Variants in ITPR2 observed in about 807,000 individuals in gnomAD.
ITPR2 encodes inositol 1,4,5-trisphosphate receptor type 2, also known as inositol 1,4,5-trisphosphate-gated calcium channel ITPR2.
Under a neutral mutation model 317.1 loss-of-function variants are expected in ITPR2, and 207 were observed. That is an observed-to-expected ratio of 0.65 (90% CI 0.58 to 0.73). The LOEUF (loss-of-function observed/expected upper bound fraction) is 0.73, where lower values mean the gene tolerates loss of function less well. Among genes scored for constraint, ITPR2 ranks in the 30% least tolerant of loss-of-function variants. The probability of loss-of-function intolerance (pLI) is 0.00; values close to 1 mark genes in which losing one functional copy is unlikely to be tolerated. For missense variants in ITPR2, 2,613 were observed against 3,284.0 expected (o/e 0.80, Z 4.99); for synonymous variants, 1,156 against 1,149.1 (o/e 1.01, Z -0.12).
At chr12:26,340,142 G>A (rs756462377) in intron 56 of ITPR2, 25 bp downstream of exon 56, 137 of 1,573,248 alleles carry the variant, frequency 8.7e-5, no homozygotes, top group Non-Finnish European at 1.1e-4. Flanking sequence ...ATCCCACCCA[G>A]CCCCATCTCC....
chr12:26,597,121 C>G lies in ITPR2; in HGVS notation c.4016G>C (p.Gly1339Ala), dbSNP rs762658762. The change falls in exon 31 of 57, where the codon GGT (glycine) becomes GCT (alanine). Residue 1339 changes from glycine to alanine, a missense_variant. Physicochemically the swap from Gly to Ala is moderately conservative, Grantham distance 60. Coordinates refer to ENST00000381340, the MANE Select transcript of ITPR2 (RefSeq NM_002223.4). The stretch of plus-strand genomic sequence containing the variant: ...ATTGTAAAATATCAGCACGTCTTCA[C>G]CCCCATTTATCAACTGAAATGATAA... Reference protein sequence around the residue: ...DMVMTELINGGEDVLIFYNDR... With the variant: ...DMVMTELINGAEDVLIFYNDR... 6.2e-7 allele frequency: 1 copy of G among 1,613,598 alleles called. No individual in the cohort carries two copies. Among genetic ancestry groups the G allele is most frequent in the Non-Finnish European group, 8.5e-7 (1 of 1,179,836 alleles).
At chr12:26,368,910 A>C (rs928436162) in intron 55 of ITPR2, among the ~76,000 whole-genome samples, 3 of 152,238 alleles carry the variant, frequency 2.0e-5, no homozygotes, top group Admixed American at 2.0e-4. Flanking sequence ...TTTTGGGGAA[A>C]TGAAAAATCA....
chr12:26,380,462 TC>T (rs201037254), intron 55 of ITPR2, among the ~76,000 whole-genome samples: 1,586 of 152,302 alleles, frequency 0.01, 23 homozygotes, highest in African/African-American at 0.036. Context: ...GGGTGGTATC[TC>T]CCTGAACGCT....
chr12:26,480,306 C>T (rs1176027392), intron 43 of ITPR2, among the ~76,000 whole-genome samples: 3 of 152,146 alleles, frequency 2.0e-5, no homozygotes, highest in South Asian at 4.2e-4. Context: ...GAGCTGTGCA[C>T]AAGGCTTAAA....
rs1371858512 is a variant in ITPR2, at chr12:26,595,466, C to T, written c.4379G>A (p.Arg1460Lys). ...LFENFLVDMA[R>K]VCNTTTDRKH... ...TTCAGTAGTCAAAATCTAACTTACC[C>T]TTGCCATATCCACCAAGAAGTTCTC... is the stretch of plus-strand genomic sequence containing the variant. Residue 1460 changes from arginine to lysine, a missense_variant and splice_region_variant, in exon 32 of 57, where the codon AGG becomes AAG. By Grantham distance (26) the Arg-to-Lys change is conservative (BLOSUM62 2). Transcript: ENST00000381340. The T allele has an allele frequency of 1.2e-6, 2 of 1,604,884 alleles. No homozygotes were observed. Among genetic ancestry groups the T allele is most frequent in the East Asian group, 2.2e-5 (1 of 44,528 alleles).
intron 2 of ITPR2, among the ~76,000 whole-genome samples, chr12:26,740,971 A>G (rs1178647415): frequency 6.6e-6 from 1 of 152,260 alleles, no homozygotes; most frequent in Non-Finnish European, 1.5e-5. Flanking sequence ...GGCCACCATG[A>G]TTCCACTTCT....
chr12:26,633,986 T>C (rs530620131), intron 21 of ITPR2, among the ~76,000 whole-genome samples: 3 of 152,334 alleles, frequency 2.0e-5, no homozygotes, highest in Admixed American at 1.3e-4. Flanking sequence ...CCCCCAAATA[T>C]AGATCCTGTC....
At chr12:26,493,944 T>G (rs929418008) in intron 39 of ITPR2, 2 of 429,392 alleles carry the variant, frequency 4.7e-6, no homozygotes, top group Non-Finnish European at 8.1e-6. Flanking sequence ...GAAGGAAGTT[T>G]CAGAGGAATG....
intron 52 of ITPR2, 194 bp downstream of exon 52, chr12:26,411,126 C>G: frequency 1.9e-6 from 1 of 534,728 alleles, no homozygotes; most frequent in South Asian, 2.2e-5. Flanking sequence ...ATATAACGAA[C>G]AGGAGAGGGG....
intron 1 of ITPR2, among the ~76,000 whole-genome samples, chr12:26,817,180 C>CAAAA (rs11422176): frequency 5.2e-5 from 3 of 57,682 alleles, no homozygotes; most frequent in African/African-American, 2.1e-4. Context: ...GAGTCTCTTT[C>CAAAA]AAAAAAAAAA....
chr12:26,567,216 T>C (rs181578558), intron 34 of ITPR2, among the ~76,000 whole-genome samples: 5 of 152,324 alleles, frequency 3.3e-5, no homozygotes, highest in African/African-American at 9.6e-5. Flanking sequence ...ATTTTTCTAA[T>C]GACACCAGTG....
At chr12:26,777,667 C>A (rs769951021) in intron 2 of ITPR2, among the ~76,000 whole-genome samples, 1 of 150,542 alleles carries the variant, frequency 6.6e-6, no homozygotes, top group Non-Finnish European at 1.5e-5. Context: ...ACTTCCAGGT[C>A]GAATGGACAA....
intron 47 of ITPR2, 79 bp from the exon 48 acceptor site, chr12:26,436,425 T>C: frequency 8.1e-7 from 1 of 1,239,786 alleles, no homozygotes; most frequent in Non-Finnish European, 1.1e-6. Flanking sequence ...CAAAACAATA[T>C]TTTACTAAAT....
At chr12:26,728,544 G>T (rs773538915) in intron 2 of ITPR2, among the ~76,000 whole-genome samples, 3 of 152,158 alleles carry the variant, frequency 2.0e-5, no homozygotes, top group Non-Finnish European at 2.9e-5. Context: ...AGGAGAGAAG[G>T]TGGGGCACAC....
At chr12:26,422,701 T>C (rs2136692487) in intron 49 of ITPR2, among the ~76,000 whole-genome samples, 1 of 152,302 alleles carries the variant, frequency 6.6e-6, no homozygotes, top group South Asian at 2.1e-4. Context: ...CATTTCATCT[T>C]ATTTGGTACT....
intron 43 of ITPR2, among the ~76,000 whole-genome samples, chr12:26,480,073 A>G (rs1942511087): frequency 6.6e-6 from 1 of 152,224 alleles, no homozygotes; most frequent in Non-Finnish European, 1.5e-5. Flanking sequence ...ACCCATACAA[A>G]GTTAAATTTA....
Position 26,487,076 on chromosome 12 carries a change from C to T in ITPR2, c.5546G>A (p.Arg1849Gln), listed in dbSNP as rs771479483. Reference sequence around the variant, plus strand: ...CTCAAATACTTCTTTACCTCTCATTCGTGGACCAGATGTCATCAATTCATT... The same window carrying T: ...CTCAAATACTTCTTTACCTCTCATTTGTGGACCAGATGTCATCAATTCATT... ...DDNELMTSGP[R>Q]MRVRDSTLHL... The change falls in exon 40 of 57, where the codon CGA becomes CAA. Residue 1849 changes from arginine to glutamine, a missense_variant. By Grantham distance (43) the Arg-to-Gln change is conservative. Transcript: ENST00000381340. The T allele has an allele frequency of 2.4e-5, 38 of 1,611,452 alleles. No individual in the cohort carries two copies. The highest frequency in any genetic ancestry group is 3.0e-5 in the Non-Finnish European group (35 of 1,178,558).
chr12:26,486,037 T>A, intron 41 of ITPR2, 67 bp downstream of exon 41: 1 of 1,551,322 alleles, frequency 6.4e-7, no homozygotes, highest in Non-Finnish European at 8.8e-7. Context: ...TTGTTGGTTT[T>A]ATTTGAATTT....
chr12:26,624,216 A>C (rs74619522), intron 24 of ITPR2, 83 bp downstream of exon 24: 22,367 of 927,812 alleles, frequency 0.024, 369 homozygotes, highest in Middle Eastern at 0.061. Context: ...ATAGATATAG[A>C]GTGAACAATA....
Sources: gnomAD v4.1 joint callset for allele counts (sites outside exome capture counted in the v4.1 genomes callset) on GRCh38, gnomAD v4.1.1 for gene constraint, MANE v1.5 for transcripts, NCBI Gene and HGNC (gene_info 2026-07-23, HGNC 2026-07-21) for gene names.